ARAP2: variants seen among roughly 807,000 people sequenced by gnomAD.
ARAP2 encodes ArfGAP with RhoGAP domain, ankyrin repeat and PH domain 2.
ARAP2 carries 148 observed loss-of-function variants against 194.5 expected under a neutral mutation model. The ratio of observed to expected loss-of-function variants is 0.76; its 90% confidence interval spans 0.67 to 0.87. The LOEUF is 0.87. Ranked by LOEUF, ARAP2 falls within the 40% of genes least tolerant of loss-of-function variation. The pLI is 0.00. For missense variants in ARAP2, 2,128 were observed against 1,989.7 expected (o/e 1.07, Z -1.32); for synonymous variants, 695 against 683.5 (o/e 1.02, Z -0.26).
In ARAP2 at chr4:36,187,719, T is replaced by A. The variant is rs1414434839; in HGVS notation, c.1558-148A>T. 7.7e-6 allele frequency: 4 copies of A among 516,998 alleles called. No homozygotes were observed. The East Asian group carries it at 1.4e-4, about 18-fold the overall frequency. 32.0% of individuals were successfully genotyped at this position (516,998 alleles called of 1,614,324 possible). A position where few individuals can be genotyped will look rare whatever the true frequency, so the allele number is the denominator to read the frequency against. On this transcript the variant is annotated intron_variant, in intron 7 of 32. Transcript: ENST00000303965. ...GCCATACAAGTAATTTGTCCACTCA[T>A]ATTCTCATGTAATACCCTAGAAAAG...
chr4:36,017,713 A>G (rs1180227137), intron 6 of ARAP2, among the ~76,000 whole-genome samples: 1 of 152,078 alleles, frequency 6.6e-6, no homozygotes, highest in Admixed American at 6.6e-5. Context: ...GGAAGAATGT[A>G]GCAAGATGTC....
At chr4:36,230,549 A>G (rs1398741366) in intron 1 of ARAP2, among the ~76,000 whole-genome samples, 2 of 152,258 alleles carry the variant, frequency 1.3e-5, no homozygotes, top group African/African-American at 4.8e-5. Flanking sequence ...TAGCAGATTC[A>G]TAAAGGTTTA....
chr4:36,226,242 A>G (rs547503800), intron 2 of ARAP2, among the ~76,000 whole-genome samples: 1 of 152,290 alleles, frequency 6.6e-6, no homozygotes, highest in South Asian at 2.1e-4. Flanking sequence ...TCAGTCACAA[A>G]TTGAATAACG....
At chr4:36,222,423 TAATA>T (rs968516814) in intron 2 of ARAP2, among the ~76,000 whole-genome samples, 4 of 152,024 alleles carry the variant, frequency 2.6e-5, no homozygotes, top group African/African-American at 7.2e-5. Flanking sequence ...CAACTTAGGA[TAATA>T]AATTGTTTTT....
intron 9 of ARAP2, among the ~76,000 whole-genome samples, chr4:36,170,438 A>AC (rs1736354267): frequency 6.6e-6 from 1 of 152,180 alleles, no homozygotes; most frequent in Non-Finnish European, 1.5e-5. Flanking sequence ...CGAAAACCAA[A>AC]AAGACTCCAT....
chr4:36,127,369 A>G (rs959643987), intron 21 of ARAP2, among the ~76,000 whole-genome samples: 1 of 152,048 alleles, frequency 6.6e-6, no homozygotes, highest in Non-Finnish European at 1.5e-5. Flanking sequence ...GAGAAACATT[A>G]GAAGGCAAAT....
At chr4:36,126,982 A>G (rs1278634151) in intron 21 of ARAP2, among the ~76,000 whole-genome samples, 1 of 151,990 alleles carries the variant, frequency 6.6e-6, no homozygotes. Flanking sequence ...AGCCTACAGG[A>G]GCACATCATG....
chr4:36,111,635 GA>G, intron 26 of ARAP2, among the ~76,000 whole-genome samples: 1 of 151,892 alleles, frequency 6.6e-6, no homozygotes, highest in Non-Finnish European at 1.5e-5. Context: ...GTAAAAATAA[GA>G]AAAAATCCAA....
chr4:36,133,498 C>T (rs1185670766), intron 19 of ARAP2, 109 bp from the exon 20 acceptor site: 2 of 984,840 alleles, frequency 2.0e-6, no homozygotes, highest in Non-Finnish European at 3.0e-6. Context: ...ACAAACTCTT[C>T]TTTTATCTCA....
intron 5 of ARAP2, among the ~76,000 whole-genome samples, chr4:36,021,090 A>C (rs1321032736): frequency 6.6e-6 from 1 of 152,222 alleles, no homozygotes; most frequent in East Asian, 1.9e-4. Context: ...GATAGGTTAG[A>C]GGTACCTGTG....
chr4:36,026,881 C>CA (rs1338054417), intron 5 of ARAP2, among the ~76,000 whole-genome samples: 1 of 152,244 alleles, frequency 6.6e-6, no homozygotes, highest in Non-Finnish European at 1.5e-5. Context: ...GCAGGGCAAG[C>CA]AACAGCAACT....
intron 6 of ARAP2, among the ~76,000 whole-genome samples, chr4:36,018,597 A>G (rs186023758): frequency 1.3e-5 from 2 of 152,328 alleles, no homozygotes; most frequent in Admixed American, 6.5e-5. Context: ...TAGCAAATAA[A>G]TTGTGTGAAC....
intron 20 of ARAP2, 106 bp from the exon 21 acceptor site, chr4:36,128,851 A>G: frequency 1.1e-6 from 1 of 880,784 alleles, no homozygotes; most frequent in Non-Finnish European, 1.7e-6. Context: ...AAGATGATGA[A>G]ATCATTACGC....
At chr4:36,115,042 T>C (rs1720994199) in intron 25 of ARAP2, among the ~76,000 whole-genome samples, 1 of 152,206 alleles carries the variant, frequency 6.6e-6, no homozygotes, top group South Asian at 2.1e-4. Flanking sequence ...AATACTGCAG[T>C]TGCAACTTGA....
chr4:36,160,102 T>C (rs1229774973), intron 13 of ARAP2: 2 of 994,176 alleles, frequency 2.0e-6, no homozygotes, highest in East Asian at 2.2e-4. Context: ...GAATCCTTTT[T>C]TTTTCTTTTG....
At chr4:36,204,227 ATG>A in intron 6 of ARAP2, among the ~76,000 whole-genome samples, 2 of 152,350 alleles carry the variant, frequency 1.3e-5, no homozygotes, top group African/African-American at 4.8e-5. Flanking sequence ...AAAATAGGCT[ATG>A]TATAAAGTAT....
intron 10 of ARAP2, among the ~76,000 whole-genome samples, chr4:36,165,471 A>G (rs1735070520): frequency 1.3e-5 from 2 of 152,166 alleles, no homozygotes; most frequent in Non-Finnish European, 2.9e-5. Flanking sequence ...TTTCAGGGCT[A>G]CTGGAATATT....
chr4:36,174,162 G>A (rs1737291402), intron 9 of ARAP2, among the ~76,000 whole-genome samples: 1 of 152,186 alleles, frequency 6.6e-6, no homozygotes, highest in South Asian at 2.1e-4. Context: ...GTGGATGAAT[G>A]AATCCAGAAA....
intron 27 of ARAP2, among the ~76,000 whole-genome samples, chr4:36,094,004 A>G (rs1447989040): frequency 4.6e-5 from 7 of 152,188 alleles, no homozygotes; most frequent in Non-Finnish European, 2.9e-5. Context: ...TCACATTTCC[A>G]TAATATCCTT....
Sources: allele counts gnomAD v4.1 joint callset (sites outside exome capture counted in the v4.1 genomes callset), GRCh38; gene constraint gnomAD v4.1.1; transcripts MANE v1.5; gene names NCBI Gene and HGNC (gene_info 2026-07-23, HGNC 2026-07-21).